The following CAPZB variants were observed in gnomAD, a reference collection of about 807,000 sequenced individuals.
CAPZB encodes capping actin protein of muscle Z-line subunit beta, also known as F-actin-capping protein subunit beta.
CAPZB carries 2 observed loss-of-function variants against 38.1 expected under a neutral mutation model. The observed-to-expected ratio is 0.05, with a 90% CI of 0.02 to 0.17. CAPZB has a LOEUF of 0.17. Among genes scored for constraint, CAPZB ranks in the 10% least tolerant of loss-of-function variants. The probability of loss-of-function intolerance (pLI) is 1.00; values close to 1 mark genes in which losing one functional copy is unlikely to be tolerated. For synonymous variants in CAPZB, 107 were observed against 127.4 expected (o/e 0.84, Z 1.08); for missense variants, 161 against 334.2 (o/e 0.48, Z 4.04).
intron 1 of CAPZB, among the ~76,000 whole-genome samples, chr1:19,455,712 G>A (rs1445458536): frequency 4.6e-5 from 7 of 152,220 alleles, no homozygotes; most frequent in South Asian, 2.1e-4. Context: ...TGGCCCTGAC[G>A]CCAATTGTCA....
intron 8 of CAPZB, among the ~76,000 whole-genome samples, chr1:19,343,602 C>A (rs1261877366): frequency 6.6e-6 from 1 of 152,216 alleles, no homozygotes; most frequent in Non-Finnish European, 1.5e-5. Flanking sequence ...AGGGGAGATC[C>A]CGGCCTCCTG....
At chr1:19,388,031 G>A (rs2094213036) in intron 2 of CAPZB, among the ~76,000 whole-genome samples, 3 of 152,284 alleles carry the variant, frequency 2.0e-5, no homozygotes, top group South Asian at 2.1e-4. Flanking sequence ...GTGAGGATCC[G>A]GTGCTTCACC....
chr1:19,402,183 CAGGGCTGCGA>C (rs1238697725), intron 2 of CAPZB, among the ~76,000 whole-genome samples: 1 of 152,196 alleles, frequency 6.6e-6, no homozygotes, highest in Non-Finnish European at 1.5e-5. Context: ...CTGTTCCCAC[CAGGGCTGCGA>C]AGGAATCAAC....
intron 8 of CAPZB, among the ~76,000 whole-genome samples, chr1:19,340,293 G>A (rs137955462): frequency 6.6e-6 from 1 of 152,260 alleles, no homozygotes; most frequent in African/African-American, 2.4e-5. Flanking sequence ...CTGTTAACTT[G>A]GCCCAGAAAA....
chr1:19,453,595 C>A (rs1024524192), intron 1 of CAPZB, among the ~76,000 whole-genome samples: 8 of 152,134 alleles, frequency 5.3e-5, no homozygotes, highest in African/African-American at 1.9e-4. Context: ...ACCTGGGAAG[C>A]CTTGTACCCG....
At chr1:19,395,761 C>G (rs539583558) in intron 2 of CAPZB, among the ~76,000 whole-genome samples, 2 of 152,330 alleles carry the variant, frequency 1.3e-5, no homozygotes, top group East Asian at 3.9e-4. Context: ...AAGCTCCCGG[C>G]TGCTTTTAAT....
At chr1:19,390,875 C>T (rs2094230221) in intron 2 of CAPZB, among the ~76,000 whole-genome samples, 1 of 152,200 alleles carries the variant, frequency 6.6e-6, no homozygotes, top group Non-Finnish European at 1.5e-5. Flanking sequence ...GCTCTCCCTG[C>T]CCTTCCCTAT....
At chr1:19,446,281 C>G (rs72947522) in intron 1 of CAPZB, among the ~76,000 whole-genome samples, 12,239 of 151,980 alleles carry the variant, frequency 0.081, 1,602 homozygotes, top group African/African-American at 0.28. Context: ...TCTGTTTCAA[C>G]AGAAACTTGA....
At chr1:19,393,161 G>A (rs933719115) in intron 2 of CAPZB, among the ~76,000 whole-genome samples, 2 of 152,250 alleles carry the variant, frequency 1.3e-5, no homozygotes, top group Admixed American at 6.5e-5. Context: ...GCCGAGGCTG[G>A]AGCTTCCGAC....
At chr1:19,346,543 C>T (rs11581830) in intron 6 of CAPZB, among the ~76,000 whole-genome samples, 2,896 of 150,304 alleles carry the variant, frequency 0.019, 102 homozygotes, top group African/African-American at 0.067. Flanking sequence ...GTGGGTTCCT[C>T]TCTTTGGAAC....
chr1:19,484,502 G>T (rs1316833289), intron 1 of CAPZB: 17 of 1,377,166 alleles, frequency 1.2e-5, no homozygotes, highest in Non-Finnish European at 1.5e-5. Flanking sequence ...GCAGCGCGCT[G>T]CCTTCTGGGC....
intron 2 of CAPZB, among the ~76,000 whole-genome samples, chr1:19,406,599 C>A (rs1306935126): frequency 6.6e-6 from 1 of 152,188 alleles, no homozygotes. Context: ...ACGGAGAAGA[C>A]AGGCTTTGCA....
chr1:19,431,421 C>T (rs988960836), intron 1 of CAPZB, among the ~76,000 whole-genome samples: 4 of 152,120 alleles, frequency 2.6e-5, no homozygotes, highest in Admixed American at 6.5e-5. Flanking sequence ...GATTTTGGGC[C>T]GGGCACGGTG....
intron 6 of CAPZB, among the ~76,000 whole-genome samples, chr1:19,351,900 G>T (rs959040336): frequency 6.6e-6 from 1 of 152,154 alleles, no homozygotes; most frequent in African/African-American, 2.4e-5. Flanking sequence ...GGATGGTTGT[G>T]GGGAGCCTGT....
intron 1 of CAPZB, among the ~76,000 whole-genome samples, chr1:19,442,790 G>A (rs1034079283): frequency 1.3e-5 from 2 of 152,218 alleles, no homozygotes; most frequent in East Asian, 1.9e-4. Flanking sequence ...TAAAGATGCC[G>A]CAGGCTCCCT....
intron 1 of CAPZB, among the ~76,000 whole-genome samples, chr1:19,477,027 C>T (rs1205608467): frequency 6.6e-6 from 1 of 152,220 alleles, no homozygotes; most frequent in African/African-American, 2.4e-5. Flanking sequence ...CTCTGAGCTC[C>T]GGTTTCCTTA....
chr1:19,343,737 G>A (rs554215143), intron 8 of CAPZB, among the ~76,000 whole-genome samples: 10 of 152,334 alleles, frequency 6.6e-5, no homozygotes, highest in African/African-American at 1.9e-4. Context: ...TCCAGAGAGC[G>A]CCCGGCTTTT....
intron 3 of CAPZB, among the ~76,000 whole-genome samples, chr1:19,380,200 A>G (rs942420796): frequency 1.3e-5 from 2 of 152,178 alleles, no homozygotes; most frequent in African/African-American, 2.4e-5. Context: ...TGGTTCACAA[A>G]CGGTATGTAG....
chr1:19,393,342 C>G (rs971445310), intron 2 of CAPZB, among the ~76,000 whole-genome samples: 1 of 152,172 alleles, frequency 6.6e-6, no homozygotes, highest in Non-Finnish European at 1.5e-5. Context: ...CCCTGAGTAA[C>G]CAGAGGGGGA....
Sources: gnomAD v4.1 joint callset for allele counts (sites outside exome capture counted in the v4.1 genomes callset) on GRCh38, gnomAD v4.1.1 for gene constraint, MANE v1.5 for transcripts, NCBI Gene and HGNC (gene_info 2026-07-23, HGNC 2026-07-21) for gene names.